GSE1: variants seen among roughly 807,000 people sequenced by gnomAD.
GSE1 encodes genetic suppressor element 1.
In GSE1, 32 loss-of-function variants were observed where a neutral mutation model predicts 112.6. The observed-to-expected ratio is 0.28, with a 90% CI of 0.21 to 0.38. The LOEUF (loss-of-function observed/expected upper bound fraction) is 0.38, where lower values mean the gene tolerates loss of function less well. GSE1 is among the 10% of genes least tolerant of loss of function. The pLI is 1.00. For synonymous variants in GSE1, 1,115 were observed against 735.6 expected (o/e 1.52, Z -8.35); for missense variants, 2,348 against 1,699.2 (o/e 1.38, Z -6.71).
chr16:85,383,566 T>TGA (rs1224052087), intron 2 of GSE1, among the ~76,000 whole-genome samples: 1 of 89,704 alleles, frequency 1.1e-5, no homozygotes, highest in Non-Finnish European at 2.4e-5. Context: ...TCTCTCTCTC[T>TGA]CTCTCTCTGA....
chr16:85,170,568 C>T, exon 1 of GSE1: 1 of 985,728 alleles, frequency 1.0e-6, no homozygotes, highest in African/African-American at 1.7e-5. Context: ...AAGAGAAGAA[C>T]AGTGGCCGTG....
intron 2 of GSE1, among the ~76,000 whole-genome samples, chr16:85,393,987 C>A (rs937814709): frequency 4.6e-5 from 7 of 152,200 alleles, no homozygotes; most frequent in Non-Finnish European, 8.8e-5. Context: ...TGGAGCGCGC[C>A]CCTCTTCTCG....
At chr16:85,569,838 T>C (rs2045909764) in intron 1 of GSE1, among the ~76,000 whole-genome samples, 1 of 152,178 alleles carries the variant, frequency 6.6e-6, no homozygotes, top group South Asian at 2.1e-4. Flanking sequence ...CCGGGGGGCC[T>C]TGCACCTGCC....
Position 85,474,939 on chromosome 16 carries a change from G to A in GSE1, c.2464+117296G>A, listed in dbSNP as rs115202804. Among the ~76,000 whole-genome samples the A allele has an allele frequency of 3.2e-3, 484 of 152,256 alleles. 2 individuals are homozygous for A. Among genetic ancestry groups the A allele is most frequent in the African/African-American group, 0.011 (454 of 41,546 alleles). ...ACAGATTCGTGGCCAGGACCTTGGC[G>A]TCTGAATTTCACTGTAATCTGCCCC... On this transcript the variant is annotated intron_variant, in intron 2 of 2. Coordinates refer to the GSE1 transcript ENST00000637419.
intron 1 of GSE1, among the ~76,000 whole-genome samples, chr16:85,272,216 C>T (rs1050587930): frequency 6.6e-6 from 1 of 152,232 alleles, no homozygotes; most frequent in African/African-American, 2.4e-5. Flanking sequence ...TGCACACTTC[C>T]TAGCGTGGAG....
At chr16:85,590,190 ATG>A (rs1251598195) in intron 1 of GSE1, among the ~76,000 whole-genome samples, 1 of 151,522 alleles carries the variant, frequency 6.6e-6, no homozygotes, top group Admixed American at 6.6e-5. Flanking sequence ...ATGTCACTGA[ATG>A]AATGTGTGTG....
At chr16:85,512,399 C>T (rs1231114241) in intron 2 of GSE1, among the ~76,000 whole-genome samples, 3 of 152,198 alleles carry the variant, frequency 2.0e-5, no homozygotes, top group Non-Finnish European at 4.4e-5. Context: ...AGGGACTCCA[C>T]ACTCGCCGTG....
chr16:85,499,292 C>T (rs1306967914), intron 2 of GSE1, among the ~76,000 whole-genome samples: 1 of 125,816 alleles, frequency 7.9e-6, no homozygotes, highest in Non-Finnish European at 1.6e-5. Context: ...GCAGGAAAGT[C>T]ACCTTTTTTT....
chr16:85,347,065 A>G (rs113314007), intron 1 of GSE1, among the ~76,000 whole-genome samples: 1 of 152,112 alleles, frequency 6.6e-6, no homozygotes, highest in African/African-American at 2.4e-5. Flanking sequence ...GGTTGGCGGG[A>G]TAAGTGTGGT....
chr16:85,572,357 ACAAT>A (rs1281052586), intron 1 of GSE1, among the ~76,000 whole-genome samples: 5 of 143,650 alleles, frequency 3.5e-5, no homozygotes, highest in African/African-American at 1.0e-4. Flanking sequence ...CACACAACAC[ACAAT>A]CACACACCAC....
chr16:85,628,114 C>T (rs1474003096), intron 1 of GSE1, among the ~76,000 whole-genome samples: 1 of 152,228 alleles, frequency 6.6e-6, no homozygotes, highest in Non-Finnish European at 1.5e-5. Flanking sequence ...TCGGGGTTCC[C>T]CGGCTCTTGG....
chr16:85,449,462 G>A lies in GSE1; in HGVS notation c.2464+91819G>A, dbSNP rs561303263. ...CCGGCTCCCAGATCCGGCTGCGGTCGTGGCCCTGTCTGGCCACCTTTGGCC... is the reference window on the plus strand; with the variant it reads ...CCGGCTCCCAGATCCGGCTGCGGTCATGGCCCTGTCTGGCCACCTTTGGCC... On this transcript the variant is annotated intron_variant, in intron 2 of 2. Transcript: ENST00000637419. 3.9e-5 allele frequency among the ~76,000 whole-genome samples: 6 copies of A among 152,386 alleles called. No individual in the cohort carries two copies. The East Asian group carries it at 7.7e-4, about 20-fold the overall frequency.
chr16:85,487,325 C>G (rs2050874060), intron 2 of GSE1, among the ~76,000 whole-genome samples: 1 of 152,142 alleles, frequency 6.6e-6, no homozygotes. Context: ...CCCGTGGATA[C>G]AGAGGAGTGT....
chr16:85,477,555 G>GTT (rs1411356102), intron 2 of GSE1, among the ~76,000 whole-genome samples: 8 of 134,376 alleles, frequency 6.0e-5, no homozygotes, highest in African/African-American at 1.1e-4. Flanking sequence ...AAGGTCTTAG[G>GTT]TTTTTTTTTT....
intron 1 of GSE1, among the ~76,000 whole-genome samples, chr16:85,327,667 A>G (rs1006086809): frequency 1.3e-5 from 2 of 152,136 alleles, no homozygotes; most frequent in Non-Finnish European, 2.9e-5. Context: ...GGTGGGAAAT[A>G]CTGTTGTGGC....
intron 8 of GSE1, among the ~76,000 whole-genome samples, chr16:85,658,899 C>T (rs746549570): frequency 6.6e-6 from 1 of 152,232 alleles, no homozygotes; most frequent in African/African-American, 2.4e-5. Context: ...CCATCCGGAC[C>T]TGGGGCATGA....
At chr16:85,487,485 C>G (rs1194487805) in intron 2 of GSE1, among the ~76,000 whole-genome samples, 1 of 152,134 alleles carries the variant, frequency 6.6e-6, no homozygotes. Context: ...TCGTTATGAG[C>G]CAGGAAGATG....
At chr16:85,622,200 C>G (rs2048784265) in intron 1 of GSE1, among the ~76,000 whole-genome samples, 1 of 152,182 alleles carries the variant, frequency 6.6e-6, no homozygotes. Context: ...TGGCGCATGA[C>G]TGTTATGGGA....
intron 2 of GSE1, chr16:85,489,876 G>C (rs2050956810): frequency 6.6e-6 from 1 of 152,244 alleles, no homozygotes; most frequent in South Asian, 2.1e-4. Context: ...AGACAGGCAG[G>C]AAAGGCCACG....
Sources: allele counts gnomAD v4.1 joint callset (sites outside exome capture counted in the v4.1 genomes callset), GRCh38; gene constraint gnomAD v4.1.1; transcripts MANE v1.5; gene names NCBI Gene and HGNC (gene_info 2026-07-23, HGNC 2026-07-21).